Variants in DNAI4 observed in about 807,000 individuals in gnomAD.
DNAI4 encodes the protein dynein axonemal intermediate chain 4, also known as WD repeat domain 78.
In DNAI4, 85 loss-of-function variants were observed where a neutral mutation model predicts 105.8. That is an observed-to-expected ratio of 0.80 (90% confidence interval 0.67 to 0.96). The LOEUF (loss-of-function observed/expected upper bound fraction) is 0.96. DNAI4 is among the 40% of genes least tolerant of loss of function. The probability of loss-of-function intolerance (pLI) is 0.00; values close to 1 mark genes in which losing one functional copy is unlikely to be tolerated. For missense variants in DNAI4, 1,014 were observed against 1,005.6 expected (o/e 1.01, Z -0.11); for synonymous variants, 352 against 331.5 (o/e 1.06, Z -0.67).
intron 7 of DNAI4, chr1:66,860,601 T>C (rs1172770881): frequency 6.6e-6 from 1 of 152,156 alleles, no homozygotes; most frequent in East Asian, 1.9e-4. Flanking sequence ...ATTGCAGTTA[T>C]TGAATATGGT....
At chr1:66,906,294 G>A (rs1298656985) in intron 1 of DNAI4, among the ~76,000 whole-genome samples, 1 of 151,974 alleles carries the variant, frequency 6.6e-6, no homozygotes, top group Non-Finnish European at 1.5e-5. Context: ...GATTTACCCT[G>A]TAAATTCCTT....
chr1:66,846,176 C>T (rs2100518394), intron 8 of DNAI4, among the ~76,000 whole-genome samples: 1 of 152,082 alleles, frequency 6.6e-6, no homozygotes, highest in East Asian at 1.9e-4. Flanking sequence ...TGCAACCTTA[C>T]AACTCTTTAA....
At chr1:66,884,656 C>T (rs1266222687) in intron 4 of DNAI4, among the ~76,000 whole-genome samples, 1 of 152,146 alleles carries the variant, frequency 6.6e-6, no homozygotes, top group Non-Finnish European at 1.5e-5. Context: ...CATCCATGTT[C>T]ATCAAGGATA....
intron 1 of DNAI4, among the ~76,000 whole-genome samples, chr1:66,909,770 A>C (rs919559368): frequency 3.3e-5 from 5 of 151,446 alleles, no homozygotes; most frequent in Non-Finnish European, 7.4e-5. Context: ...CTCCACCACC[A>C]CCACCACCAC....
Position 66,905,331 on chromosome 1 carries a change from G to A in DNAI4, c.215C>T (p.Thr72Ile). Reference protein sequence around the residue: ...QPKKSISFFATMKATSVKGYT... With the variant: ...QPKKSISFFAIMKATSVKGYT... ...TCCTTTCACTGAAGTTGCTTTCATT[G>A]TAGCAAAAAAGCTAATAGACTTCTT... Residue 72 changes from threonine (T) to isoleucine (I), a missense_variant, in exon 2 of 17, where the codon ACA becomes ATA. Coordinates refer to ENST00000371026, the MANE Select transcript of DNAI4 (RefSeq NM_024763.5). 2 of 1,521,538 alleles carry A rather than the reference G, an allele frequency of 1.3e-6. No individual in the cohort carries two copies. The highest frequency in any genetic ancestry group is 8.9e-7 in the Non-Finnish European group (1 of 1,121,986). 94.3% of individuals were successfully genotyped at this position (1,521,538 alleles called of 1,614,324 possible).
chr1:66,883,484 G>GCCA (rs925993389), intron 4 of DNAI4, among the ~76,000 whole-genome samples: 10 of 151,936 alleles, frequency 6.6e-5, no homozygotes, highest in Admixed American at 5.9e-4. Context: ...TGCCATGTTG[G>GCCA]CCAGGCTGGT....
intron 5 of DNAI4, 88 bp from the exon 6 acceptor site, chr1:66,871,597 C>G (rs917648765): frequency 7.5e-6 from 10 of 1,325,712 alleles, no homozygotes; most frequent in Non-Finnish European, 1.0e-5. Flanking sequence ...CCTAAAATTA[C>G]TTTCCTTAAT....
In DNAI4 at chr1:66,813,700, A is replaced by G. The variant is rs1162681888; in HGVS notation, c.*430T>C. ...CATCTACTAAAAACTACGTAATTAT[A>G]AACTCTGGAAAACAGAGCCTGGAAA... is the stretch of plus-strand genomic sequence containing the variant. On this transcript the variant is annotated 3_prime_UTR_variant, in exon 17 of 17. Coordinates refer to ENST00000371026, the MANE Select transcript of DNAI4 (RefSeq NM_024763.5). 6.5e-6 allele frequency: 1 copy of G among 153,242 alleles called. No homozygotes were observed. The highest frequency in any genetic ancestry group is 1.5e-5 in the Non-Finnish European group (1 of 68,690). The allele number at this position is 153,242 out of a possible 1,614,324, so 9.5% of individuals were successfully genotyped here. A position where few individuals can be genotyped will look rare whatever the true frequency, so the allele number is the denominator to read the frequency against.
chr1:66,901,995 C>G (rs1557974612), intron 2 of DNAI4, among the ~76,000 whole-genome samples: 4 of 152,040 alleles, frequency 2.6e-5, no homozygotes, highest in African/African-American at 7.2e-5. Context: ...CTATGTTGTT[C>G]AGGCTGGTCT....
Position 66,890,989 on chromosome 1 carries a change from A to G in DNAI4, c.643+165T>C, listed in dbSNP as rs1647585424. ...ATGATTCAAAACAGTCACCCAGGGA[A>G]CTTAAAAAAATAGATATTCCCCTGG... On this transcript the variant is annotated intron_variant, in intron 4 of 16. Transcript: ENST00000371026. This position sits in a 1 kb window ranked among gnomAD's most constrained non-coding sequence, Gnocchi z 4.1. 4.8e-6 allele frequency: 3 copies of G among 626,740 alleles called. No individual in the cohort carries two copies. Among genetic ancestry groups the G allele is most frequent in the South Asian group, 3.7e-5 (2 of 54,476 alleles). The allele number at this position is 626,740 out of a possible 1,614,324, so 38.8% of individuals were successfully genotyped here. A position where few individuals can be genotyped will look rare whatever the true frequency, so the allele number is the denominator to read the frequency against.
intron 7 of DNAI4, among the ~76,000 whole-genome samples, chr1:66,849,611 C>A (rs1572646256): frequency 6.6e-6 from 1 of 152,060 alleles, no homozygotes. Context: ...GAGTTTAAAG[C>A]AAACATCATA....
At chr1:66,880,693 C>A (rs567585530) in intron 4 of DNAI4, among the ~76,000 whole-genome samples, 1 of 152,240 alleles carries the variant, frequency 6.6e-6, no homozygotes, top group East Asian at 1.9e-4. Flanking sequence ...AAATTTACCA[C>A]CTGACAATGC....
chr1:66,875,026 T>C (rs1646931951), intron 4 of DNAI4, 89 bp from the exon 5 acceptor site: 1 of 1,193,138 alleles, frequency 8.4e-7, no homozygotes, highest in East Asian at 2.5e-5. Flanking sequence ...CCATAATGGG[T>C]AATATATTGC....
At chr1:66,832,164 A>C (rs1053146767) in intron 13 of DNAI4, among the ~76,000 whole-genome samples, 1 of 152,240 alleles carries the variant, frequency 6.6e-6, no homozygotes, top group Non-Finnish European at 1.5e-5. Flanking sequence ...AACTAGAGTC[A>C]AAGTTAAGGT....
In DNAI4 at chr1:66,871,455, T is replaced by C. The variant is rs562850985; in HGVS notation, c.855A>G (p.Leu285=). 36 of 1,611,714 alleles carry C rather than the reference T, an allele frequency of 2.2e-5. No individual in the cohort carries two copies. The South Asian group carries it at 2.9e-4, about 13-fold the overall frequency. ...AAGTCTGCATCATCCTTTCAACATATAGGTCATTGCCTAATCTGTTTCTAC... is the reference window on the plus strand; with the variant it reads ...AAGTCTGCATCATCCTTTCAACATACAGGTCATTGCCTAATCTGTTTCTAC... ...VLCRNRLGND[L]YVERMMQTFN... Residue 285 remains leucine (L), a synonymous_variant, in exon 6 of 17, where the codon CTA becomes CTG. Coordinates refer to ENST00000371026, the MANE Select transcript of DNAI4 (RefSeq NM_024763.5).
chr1:66,900,320 C>G (rs1484283925), intron 2 of DNAI4, among the ~76,000 whole-genome samples: 2 of 152,058 alleles, frequency 1.3e-5, no homozygotes, highest in Admixed American at 1.3e-4. Flanking sequence ...AGGGTGGTCT[C>G]GAACTCCTGG....
intron 4 of DNAI4, among the ~76,000 whole-genome samples, chr1:66,880,565 A>G (rs1436251005): frequency 1.3e-5 from 2 of 152,162 alleles, no homozygotes; most frequent in Admixed American, 1.3e-4. Flanking sequence ...CTTGAACTTG[A>G]GAGAGATTTA....
chr1:66,867,800 G>T (rs544305645), intron 6 of DNAI4, among the ~76,000 whole-genome samples: 1 of 152,066 alleles, frequency 6.6e-6, no homozygotes, highest in Non-Finnish European at 1.5e-5. Flanking sequence ...TCTTATATCT[G>T]TTGCTGTGTT....
chr1:66,837,574 T>G, intron 10 of DNAI4, 136 bp downstream of exon 10: 3 of 1,061,270 alleles, frequency 2.8e-6, no homozygotes, highest in Non-Finnish European at 4.0e-6. Context: ...TTAATTGCTA[T>G]GAAGTTAAAC....
Sources: gnomAD v4.1 joint callset for allele counts (sites outside exome capture counted in the v4.1 genomes callset) on GRCh38, gnomAD v4.1.1 for gene constraint, Gnocchi (gnomAD v3.1) non-coding constraint, MANE v1.5 for transcripts, NCBI Gene and HGNC (gene_info 2026-07-23, HGNC 2026-07-21) for gene names.